RIMBP2: variants seen among roughly 807,000 people sequenced by gnomAD.
RIMBP2 encodes the protein RIMS-binding protein 2.
A neutral mutation model predicts 118.6 loss-of-function variants in RIMBP2; 48 were observed. The ratio of observed to expected loss-of-function variants is 0.40; its 90% CI spans 0.32 to 0.51. The LOEUF (loss-of-function observed/expected upper bound fraction) is 0.51. Ranked by LOEUF, RIMBP2 falls within the 20% of genes least tolerant of loss-of-function variation. The pLI is 0.41. For synonymous variants in RIMBP2, 762 were observed against 742.9 expected (o/e 1.03, Z -0.42); for missense variants, 1,551 against 1,768.3 (o/e 0.88, Z 2.20).
At position 130,407,722 on chromosome 12, in the gene RIMBP2, G is replaced by C; in HGVS notation, c.3693+4C>G. ...CGTCATGAAGTGCAGTGTTTGGCTGGTACCTCGACATCGACGTTGGGCGAG... is the reference window on the plus strand; with the variant it reads ...CGTCATGAAGTGCAGTGTTTGGCTGCTACCTCGACATCGACGTTGGGCGAG... On this transcript the variant is annotated splice_donor_region_variant and intron_variant, in intron 20 of 22. Coordinates refer to ENST00000690449, the MANE Select transcript of RIMBP2 (RefSeq NM_001393629.1). The C allele has an allele frequency of 6.2e-7, 1 of 1,611,366 alleles. No homozygotes were observed. The highest frequency in any genetic ancestry group is 1.3e-5 in the African/African-American group (1 of 74,986).
chr12:130,464,815 C>A (rs1026012549), intron 6 of RIMBP2, among the ~76,000 whole-genome samples: 2 of 152,258 alleles, frequency 1.3e-5, no homozygotes, highest in Non-Finnish European at 2.9e-5. Flanking sequence ...TCCCCTAACA[C>A]ACTCACTGGC....
At chr12:130,439,232 A>C (rs964302911) in intron 11 of RIMBP2, among the ~76,000 whole-genome samples, 1 of 151,590 alleles carries the variant, frequency 6.6e-6, no homozygotes, top group African/African-American at 2.4e-5. Flanking sequence ...TTGTGTGTAG[A>C]TGTATATGTA....
intron 1 of RIMBP2, among the ~76,000 whole-genome samples, chr12:130,664,729 A>G (rs2063845033): frequency 6.6e-6 from 1 of 151,886 alleles, no homozygotes; most frequent in Non-Finnish European, 1.5e-5. Context: ...CGTGTCCAAA[A>G]GACATGGGAA....
intron 1 of RIMBP2, among the ~76,000 whole-genome samples, chr12:130,707,615 A>C (rs1161846482): frequency 6.6e-6 from 1 of 152,140 alleles, no homozygotes; most frequent in East Asian, 1.9e-4. Flanking sequence ...TGCAATCAGA[A>C]GCTTCCAAGA....
At chr12:130,591,333 G>A (rs1373583702) in intron 2 of RIMBP2, among the ~76,000 whole-genome samples, 1 of 152,260 alleles carries the variant, frequency 6.6e-6, no homozygotes, top group Middle Eastern at 3.4e-3. Flanking sequence ...CTTTGCCATC[G>A]AGAGCAAACT....
chr12:130,520,676 A>G, intron 2 of RIMBP2, among the ~76,000 whole-genome samples: 1 of 138,266 alleles, frequency 7.2e-6, no homozygotes, highest in Non-Finnish European at 1.5e-5. Flanking sequence ...CCATCTCAAA[A>G]AAAAAAAAAA....
At chr12:130,537,164 T>G (rs879716247) in intron 2 of RIMBP2, among the ~76,000 whole-genome samples, 5 of 152,142 alleles carry the variant, frequency 3.3e-5, no homozygotes, top group Non-Finnish European at 5.9e-5. Context: ...CAGGGCCACT[T>G]ACACCCCAGC....
intron 2 of RIMBP2, among the ~76,000 whole-genome samples, chr12:130,552,935 G>A (rs1385444158): frequency 2.6e-5 from 4 of 151,940 alleles, no homozygotes; most frequent in South Asian, 2.1e-4. Context: ...GGCGGATCAC[G>A]AGGTCAGGAG....
intron 2 of RIMBP2, among the ~76,000 whole-genome samples, chr12:130,566,428 G>A (rs936040346): frequency 6.6e-6 from 1 of 152,236 alleles, no homozygotes; most frequent in Admixed American, 6.5e-5. Flanking sequence ...TAACAGAATA[G>A]AGAAGCTGTG....
intron 15 of RIMBP2, chr12:130,425,343 A>C (rs4759459): frequency 1 from 154,328 of 154,472 alleles, 77,093 homozygotes; most frequent in Middle Eastern, 1. Flanking sequence ...CCACTGGGCC[A>C]ACTTCCCTTC....
chr12:130,559,909 C>A (rs997653342), intron 2 of RIMBP2, among the ~76,000 whole-genome samples: 1 of 152,202 alleles, frequency 6.6e-6, no homozygotes, highest in African/African-American at 2.4e-5. Flanking sequence ...GTAACACCTG[C>A]CTCGAAGGGT....
intron 4 of RIMBP2, among the ~76,000 whole-genome samples, chr12:130,482,435 C>T (rs79109820): frequency 2.6e-5 from 4 of 152,238 alleles, no homozygotes; most frequent in South Asian, 2.1e-4. Context: ...GAGAAGGGCC[C>T]GAGTGTGGCA....
At chr12:130,676,183 T>C (rs551993715) in intron 1 of RIMBP2, among the ~76,000 whole-genome samples, 6 of 152,304 alleles carry the variant, frequency 3.9e-5, no homozygotes, top group Admixed American at 3.9e-4. Flanking sequence ...TGATGGGGTT[T>C]TGCCACAGCA....
chr12:130,605,040 C>T (rs1401146171), intron 2 of RIMBP2, among the ~76,000 whole-genome samples: 2 of 152,084 alleles, frequency 1.3e-5, no homozygotes, highest in Admixed American at 6.5e-5. Context: ...ATGGGCTCCA[C>T]CACACAGCCT....
intron 2 of RIMBP2, among the ~76,000 whole-genome samples, chr12:130,579,549 CT>C (rs1423774275): frequency 6.6e-6 from 1 of 152,130 alleles, no homozygotes; most frequent in African/African-American, 2.4e-5. Context: ...TGCTTGAATA[CT>C]TTTGCCAGAG....
rs1236090952 is a variant in RIMBP2 at position 130,424,961 on chromosome 12, A to G, written c.2413-103T>C. On this transcript the variant is annotated intron_variant, in intron 15 of 22. Coordinates refer to ENST00000690449, the MANE Select transcript of RIMBP2 (RefSeq NM_001393629.1). This position sits in a 1 kb window ranked among gnomAD's most constrained non-coding sequence, Gnocchi z 9.8. ...AAAATACAGACAGAATTAGTCCTGGAGGCACCGAGGGGGGGGAAGCATGCG... is the reference window on the plus strand; with the variant it reads ...AAAATACAGACAGAATTAGTCCTGGGGGCACCGAGGGGGGGGAAGCATGCG... 4 of 613,568 alleles carry G rather than the reference A, an allele frequency of 6.5e-6. No homozygotes were observed. Among genetic ancestry groups the G allele is most frequent in the Non-Finnish European group, 9.4e-6 (4 of 427,382 alleles). 38.0% of individuals were successfully genotyped at this position (613,568 alleles called of 1,614,324 possible).
chr12:130,624,420 T>G (rs2061500373), intron 2 of RIMBP2, among the ~76,000 whole-genome samples: 1 of 152,226 alleles, frequency 6.6e-6, no homozygotes, highest in African/African-American at 2.4e-5. Context: ...TGGAGTTGTG[T>G]GTCCACATCC....
rs143524860 is a variant in RIMBP2 at position 130,617,912 on chromosome 12, C to T, written c.-217+10410G>A. Among the ~76,000 whole-genome samples, 3 of 151,170 alleles carry T rather than the reference C, an allele frequency of 2.0e-5. No individual in the cohort carries two copies. Among genetic ancestry groups the T allele is most frequent in the East Asian group, 2.0e-4 (1 of 5,084 alleles). ...AGATTCTTAGAAACATCTAACTCGG[C>T]CGGGTGTGGTGGCCCACGCCTGTAA... is the stretch of plus-strand genomic sequence containing the variant. On this transcript the variant is annotated intron_variant, in intron 2 of 22. Coordinates refer to ENST00000690449, the MANE Select transcript of RIMBP2 (RefSeq NM_001393629.1). The surrounding 1 kb of genome is among the most constrained non-coding windows in gnomAD (Gnocchi z 4.6).
At chr12:130,698,686 T>C (rs920486000) in intron 1 of RIMBP2, among the ~76,000 whole-genome samples, 2 of 152,098 alleles carry the variant, frequency 1.3e-5, no homozygotes, top group Admixed American at 1.3e-4. Flanking sequence ...ACTTCATGTC[T>C]AAAACACCAA....
Sources: allele counts gnomAD v4.1 joint callset (sites outside exome capture counted in the v4.1 genomes callset), GRCh38; gene constraint gnomAD v4.1.1; non-coding constraint Gnocchi (gnomAD v3.1); transcripts MANE v1.5; gene names NCBI Gene and HGNC (gene_info 2026-07-23, HGNC 2026-07-21).